Variants in FAM135B observed in about 807,000 individuals in gnomAD.
The protein encoded by FAM135B is protein FAM135B.
A neutral mutation model predicts 127.7 loss-of-function variants in FAM135B; 43 were observed. That is an observed-to-expected ratio of 0.34 (90% CI 0.26 to 0.43). The LOEUF is 0.43. Ranked by LOEUF, FAM135B falls within the 20% of genes least tolerant of loss-of-function variation. The pLI is 1.00. For missense variants in FAM135B, 1,558 were observed against 1,725.6 expected, an observed-to-expected ratio of 0.90 and a Z score of 1.72; for synonymous variants, 670 against 665.1, an observed-to-expected ratio of 1.01 and a Z score of -0.11.
At chr8:138,303,414 A>G (rs1217845225) in intron 3 of FAM135B, among the ~76,000 whole-genome samples, 1 of 152,086 alleles carries the variant, frequency 6.6e-6, no homozygotes, top group African/African-American at 2.4e-5. Context: ...GGAGGGGAGC[A>G]TCACACACCA....
At chr8:138,434,207 ATG>A (rs1356132539) in intron 1 of FAM135B, among the ~76,000 whole-genome samples, 1 of 152,194 alleles carries the variant, frequency 6.6e-6, no homozygotes. Flanking sequence ...TTAGAAGCAG[ATG>A]TATAATTTTT....
chr8:138,149,126 T>C (rs1366574125), intron 13 of FAM135B, among the ~76,000 whole-genome samples: 1 of 120,730 alleles, frequency 8.3e-6, no homozygotes, highest in African/African-American at 3.2e-5. Context: ...ACTTAAAGTA[T>C]AATAATAAAA....
chr8:138,134,705 A>G (rs1051168029), intron 19 of FAM135B, among the ~76,000 whole-genome samples: 2 of 152,180 alleles, frequency 1.3e-5, no homozygotes, highest in African/African-American at 4.8e-5. Flanking sequence ...AAAAGTGATA[A>G]TCATGTATAA....
chr8:138,446,780 G>T (rs1836187647), intron 1 of FAM135B, among the ~76,000 whole-genome samples: 1 of 151,700 alleles, frequency 6.6e-6, no homozygotes, highest in African/African-American at 2.4e-5. Flanking sequence ...AAAAGCAATG[G>T]CAACAAAAGC....
At chr8:138,442,891 G>T (rs922744519) in intron 1 of FAM135B, among the ~76,000 whole-genome samples, 11 of 152,140 alleles carry the variant, frequency 7.2e-5, no homozygotes, top group African/African-American at 2.7e-4. Context: ...TTAATGCAAT[G>T]CCACTGACAA....
chr8:138,454,691 A>G (rs4529468), intron 1 of FAM135B, among the ~76,000 whole-genome samples: 71,099 of 152,054 alleles, frequency 0.47, 17,315 homozygotes, highest in African/African-American at 0.55. Context: ...CAGTCCATCT[A>G]GAGGAGTCTC....
At chr8:138,426,126 G>C (rs1433132319) in intron 1 of FAM135B, among the ~76,000 whole-genome samples, 4 of 128,544 alleles carry the variant, frequency 3.1e-5, no homozygotes, top group African/African-American at 1.0e-4. Flanking sequence ...ATATGTGTGT[G>C]TGTGTGTGTG....
At chr8:138,483,069 C>T (rs1159908083) in intron 1 of FAM135B, among the ~76,000 whole-genome samples, 2 of 150,830 alleles carry the variant, frequency 1.3e-5, no homozygotes, top group Non-Finnish European at 2.9e-5. Context: ...ATTTCAGGAA[C>T]AATCAATTTA....
At chr8:138,170,137 C>T (rs1221569931) in intron 11 of FAM135B, among the ~76,000 whole-genome samples, 1 of 151,984 alleles carries the variant, frequency 6.6e-6, no homozygotes, top group Non-Finnish European at 1.5e-5. Context: ...ATTTGATGCA[C>T]AGCCAGTGCA....
intron 9 of FAM135B, among the ~76,000 whole-genome samples, chr8:138,193,285 C>A (rs552829041): frequency 6.6e-6 from 1 of 152,342 alleles, no homozygotes; most frequent in African/African-American, 2.4e-5. Flanking sequence ...CTGACAAGCA[C>A]TTAGAACTGT....
intron 7 of FAM135B, among the ~76,000 whole-genome samples, chr8:138,223,014 C>A (rs1230363802): frequency 1.1e-4 from 16 of 152,148 alleles, no homozygotes; most frequent in Admixed American, 9.2e-4. Context: ...GGGTCCTTTT[C>A]ATGTTCAGAT....
At chr8:138,401,012 G>A (rs1430128019) in intron 1 of FAM135B, among the ~76,000 whole-genome samples, 1 of 152,094 alleles carries the variant, frequency 6.6e-6, no homozygotes, top group African/African-American at 2.4e-5. Context: ...AAAATGTTTG[G>A]GATTCAAAGG....
chr8:138,359,894 A>C (rs1830313699), intron 2 of FAM135B, among the ~76,000 whole-genome samples: 1 of 152,162 alleles, frequency 6.6e-6, no homozygotes, highest in Non-Finnish European at 1.5e-5. Flanking sequence ...TTTGGTAGAG[A>C]AAAGGCAGGT....
chr8:138,353,224 A>G (rs543198651), intron 2 of FAM135B, among the ~76,000 whole-genome samples: 1 of 152,248 alleles, frequency 6.6e-6, no homozygotes, highest in African/African-American at 2.4e-5. Flanking sequence ...CCGGGTTTAT[A>G]TGTCAGCTCC....
intron 3 of FAM135B, among the ~76,000 whole-genome samples, chr8:138,266,593 ATATATATG>A (rs1822942452): frequency 7.2e-6 from 1 of 138,500 alleles, no homozygotes; most frequent in African/African-American, 2.5e-5. Context: ...ATGTGTGTGT[ATATATATG>A]TATATGTATA....
At chr8:138,301,717 AACTTATATC>A (rs1825900849) in intron 3 of FAM135B, among the ~76,000 whole-genome samples, 1 of 152,236 alleles carries the variant, frequency 6.6e-6, no homozygotes, top group Non-Finnish European at 1.5e-5. Context: ...ATGAAAGATT[AACTTATATC>A]TCTAAGTATC....
At chr8:138,482,059 A>AG (rs1249815271) in intron 1 of FAM135B, among the ~76,000 whole-genome samples, 11 of 152,220 alleles carry the variant, frequency 7.2e-5, no homozygotes, top group Admixed American at 7.2e-4. Flanking sequence ...CATAGGGCAG[A>AG]GGAGTCCATA....
chr8:138,190,501 G>A (rs1217874732), intron 9 of FAM135B, among the ~76,000 whole-genome samples: 1 of 152,072 alleles, frequency 6.6e-6, no homozygotes, highest in Non-Finnish European at 1.5e-5. Context: ...AGAAACTGAA[G>A]TATTTTACCC....
intron 3 of FAM135B, among the ~76,000 whole-genome samples, chr8:138,300,893 G>A (rs1217497260): frequency 1.3e-5 from 2 of 151,844 alleles, no homozygotes; most frequent in African/African-American, 4.8e-5. Flanking sequence ...TGGGACTATA[G>A]GCATGCACCA....
Sources: allele counts gnomAD v4.1 joint callset (sites outside exome capture counted in the v4.1 genomes callset), GRCh38; gene constraint gnomAD v4.1.1; transcripts MANE v1.5; gene names NCBI Gene and HGNC (gene_info 2026-07-23, HGNC 2026-07-21).